The following SAMD4A variants were observed in gnomAD, a reference collection of about 807,000 sequenced individuals.
SAMD4A encodes protein Smaug homolog 1.
A neutral mutation model predicts 81.3 loss-of-function variants in SAMD4A; 33 were observed. That is an observed-to-expected ratio of 0.41 (90% CI 0.31 to 0.54). The LOEUF (loss-of-function observed/expected upper bound fraction) is 0.54. Ranked by LOEUF, SAMD4A falls within the 20% of genes least tolerant of loss-of-function variation. SAMD4A has a pLI of 0.37. For missense variants in SAMD4A, 854 were observed against 951.1 expected (o/e 0.90, Z 1.34); for synonymous variants, 389 against 382.1 (o/e 1.02, Z -0.21).
intron 3 of SAMD4A, among the ~76,000 whole-genome samples, chr14:54,723,993 G>T (rs2037330474): frequency 7.3e-6 from 1 of 136,968 alleles, no homozygotes; most frequent in Non-Finnish European, 1.6e-5. Flanking sequence ...GCAAATATTG[G>T]ATGGATGGAT....
intron 2 of SAMD4A, among the ~76,000 whole-genome samples, chr14:54,678,435 G>T (rs1470655565): frequency 2.0e-3 from 23 of 11,334 alleles, no homozygotes; most frequent in South Asian, 0.019. Flanking sequence ...GTCACCATTT[G>T]TGTGTGTGTG....
In SAMD4A at chr14:54,582,062, G is replaced by A. The variant is rs369384454; in HGVS notation, c.196+13950G>A. On this transcript the variant is annotated intron_variant, in intron 2 of 12. Coordinates refer to ENST00000554335, the MANE Select transcript of SAMD4A (RefSeq NM_015589.6). Reference sequence around the variant, plus strand: ...TTAGCACATTTTGCAGATTATTGTGGTATTTGCAGATGATCTGAGCACAGT... The same window carrying A: ...TTAGCACATTTTGCAGATTATTGTGATATTTGCAGATGATCTGAGCACAGT... 2.0e-5 allele frequency among the ~76,000 whole-genome samples: 3 copies of A among 152,198 alleles called. No individual in the cohort carries two copies. The South Asian group carries it at 6.2e-4, about 32-fold the overall frequency.
At chr14:54,781,695 G>A (rs574351935) in intron 11 of SAMD4A, among the ~76,000 whole-genome samples, 1 of 152,320 alleles carries the variant, frequency 6.6e-6, no homozygotes, top group South Asian at 2.1e-4. Context: ...AAATGAGATG[G>A]GCCCTCAGGG....
At chr14:54,764,325 TG>T in intron 7 of SAMD4A, 129 bp from the exon 8 acceptor site, 1 of 673,892 alleles carries the variant, frequency 1.5e-6, no homozygotes, top group South Asian at 2.0e-5. Flanking sequence ...TGGCCTTTTT[TG>T]TGAGCCTTAC....
intron 2 of SAMD4A, among the ~76,000 whole-genome samples, chr14:54,618,206 G>A (rs1366635404): frequency 6.6e-6 from 1 of 152,184 alleles, no homozygotes; most frequent in Non-Finnish European, 1.5e-5. Context: ...CCAGTGGTGT[G>A]CTGGAGCCGC....
At chr14:54,568,159 G>A (rs779753556) in intron 2 of SAMD4A, 47 bp downstream of exon 2, 47 of 1,187,900 alleles carry the variant, frequency 4.0e-5, no homozygotes, top group Admixed American at 9.2e-5. Flanking sequence ...CCCAACCCCC[G>A]CTCCTCCCTC....
At position 54,770,931 on chromosome 14, in the gene SAMD4A, G is replaced by A. The variant is rs147742592; in HGVS notation, c.1715+709G>A. Among the ~76,000 whole-genome samples, 641 of 152,264 alleles carry A rather than the reference G, an allele frequency of 4.2e-3. 9 individuals carry two copies. The highest frequency in any genetic ancestry group is 0.014 in the African/African-American group (602 of 41,548). On this transcript the variant is annotated intron_variant, in intron 9 of 12. Coordinates refer to ENST00000554335, the MANE Select transcript of SAMD4A (RefSeq NM_015589.6). Reference sequence around the variant, plus strand: ...GGGAATTGTTGGGACATAAGGGAATGAGAATGTAAACATCCTGAAAAATTA... The same window carrying A: ...GGGAATTGTTGGGACATAAGGGAATAAGAATGTAAACATCCTGAAAAATTA...
intron 3 of SAMD4A, among the ~76,000 whole-genome samples, chr14:54,704,744 C>T (rs1435704030): frequency 6.6e-6 from 1 of 152,174 alleles, no homozygotes; most frequent in Non-Finnish European, 1.5e-5. Flanking sequence ...TCAGATCTCC[C>T]CTCCAGAAAG....
chr14:54,718,271 A>C (rs2037172158), intron 3 of SAMD4A, among the ~76,000 whole-genome samples: 1 of 152,224 alleles, frequency 6.6e-6, no homozygotes, highest in South Asian at 2.1e-4. Context: ...CAACACAAGG[A>C]ATGAATGCTT....
At chr14:54,713,286 G>C (rs776145355) in intron 3 of SAMD4A, among the ~76,000 whole-genome samples, 35 of 152,026 alleles carry the variant, frequency 2.3e-4, no homozygotes, top group Non-Finnish European at 4.1e-4. Context: ...TGTCAATCTA[G>C]GGTATATTTT....
rs751836563 is a variant in SAMD4A at position 54,725,957 on chromosome 14, T to C, written c.716-11067T>C. ...GTAGTTAGAGCATCTTAACCTTGAA[T>C]GTACATACAAATCTCCTAGGGTCTT... On this transcript the variant is annotated intron_variant, in intron 3 of 12. Transcript: ENST00000554335. Among the ~76,000 whole-genome samples, 7 of 152,208 alleles carry C rather than the reference T, an allele frequency of 4.6e-5. No individual in the cohort carries two copies. The South Asian group carries it at 6.2e-4, about 14-fold the overall frequency.
chr14:54,623,874 G>T (rs1445405875), intron 2 of SAMD4A, among the ~76,000 whole-genome samples: 1 of 152,196 alleles, frequency 6.6e-6, no homozygotes, highest in Non-Finnish European at 1.5e-5. Context: ...TAACCAGGAA[G>T]AAAAGAGAAG....
At chr14:54,595,514 A>G (rs2033889250) in intron 2 of SAMD4A, among the ~76,000 whole-genome samples, 1 of 151,472 alleles carries the variant, frequency 6.6e-6, no homozygotes, top group South Asian at 2.1e-4. Context: ...CTAGTAAGGC[A>G]GACTAATGTC....
intron 2 of SAMD4A, among the ~76,000 whole-genome samples, chr14:54,568,925 A>G (rs1448957760): frequency 6.6e-6 from 1 of 151,796 alleles, no homozygotes; most frequent in East Asian, 1.9e-4. Flanking sequence ...CTCAACTAGT[A>G]TGGAAAGTGA....
At chr14:54,740,054 C>T (rs2037807522) in intron 4 of SAMD4A, among the ~76,000 whole-genome samples, 1 of 152,172 alleles carries the variant, frequency 6.6e-6, no homozygotes, top group Non-Finnish European at 1.5e-5. Context: ...GCTGTAATCT[C>T]AGCTACTCTG....
chr14:54,685,831 A>G (rs1467323226), intron 2 of SAMD4A: 1 of 456,612 alleles, frequency 2.2e-6, no homozygotes, highest in Non-Finnish European at 4.4e-6. Flanking sequence ...TCCGAAGGGT[A>G]ACATCTGGAG....
chr14:54,705,335 G>A (rs541328519), intron 3 of SAMD4A, among the ~76,000 whole-genome samples: 16 of 152,284 alleles, frequency 1.1e-4, no homozygotes, highest in African/African-American at 2.9e-4. Flanking sequence ...ATTCTAAGGG[G>A]CCTTGAATAT....
chr14:54,733,498 A>G (rs536785785), intron 3 of SAMD4A, among the ~76,000 whole-genome samples: 4 of 152,206 alleles, frequency 2.6e-5, no homozygotes, highest in Non-Finnish European at 4.4e-5. Flanking sequence ...TTTCAATATA[A>G]TGAATCCATC....
chr14:54,717,425 A>G (rs1404223976), intron 3 of SAMD4A, among the ~76,000 whole-genome samples: 3 of 150,160 alleles, frequency 2.0e-5, no homozygotes, highest in African/African-American at 7.4e-5. Flanking sequence ...TGGACTACAG[A>G]GCAAGACCCT....
Sources: allele counts gnomAD v4.1 joint callset (sites outside exome capture counted in the v4.1 genomes callset), GRCh38; gene constraint gnomAD v4.1.1; transcripts MANE v1.5; gene names NCBI Gene and HGNC (gene_info 2026-07-23, HGNC 2026-07-21).